The following ANP32B variants were observed in gnomAD, a reference collection of about 807,000 sequenced individuals.
ANP32B encodes acidic nuclear phosphoprotein 32 family member B, also known as acidic leucine-rich nuclear phosphoprotein 32 family member B.
A neutral mutation model predicts 32.2 loss-of-function variants in ANP32B; 6 were observed. The ratio of observed to expected loss-of-function variants is 0.19; its 90% CI spans 0.10 to 0.37. ANP32B has a LOEUF of 0.37. Among genes scored for constraint, ANP32B ranks in the 10% least tolerant of loss-of-function variants. The pLI, the probability that ANP32B is intolerant of heterozygous loss-of-function variation, is 1.00. For missense variants in ANP32B, 204 were observed against 289.2 expected (o/e 0.71, Z 2.14); for synonymous variants, 98 against 105.8 (o/e 0.93, Z 0.45).
chr9:98,013,373 A>G (rs1345915530), intron 6 of ANP32B, among the ~76,000 whole-genome samples: 1 of 152,142 alleles, frequency 6.6e-6, no homozygotes, highest in Non-Finnish European at 1.5e-5. Context: ...CATTTGGTTT[A>G]CTGTCAAGTG....
intron 4 of ANP32B, among the ~76,000 whole-genome samples, chr9:98,006,087 C>T (rs953254445): frequency 1.4e-5 from 2 of 142,798 alleles, no homozygotes; most frequent in African/African-American, 2.5e-5. Flanking sequence ...CCTGATGATC[C>T]GAGGTGGAGC....
intron 1 of ANP32B, among the ~76,000 whole-genome samples, chr9:97,987,919 T>G (rs534716547): frequency 1.3e-5 from 2 of 152,172 alleles, no homozygotes; most frequent in Admixed American, 1.3e-4. Flanking sequence ...CTAATTGGGG[T>G]TTTTTTCCTT....
intron 1 of ANP32B, among the ~76,000 whole-genome samples, chr9:97,984,858 T>C (rs1827684048): frequency 6.7e-6 from 1 of 150,122 alleles, no homozygotes; most frequent in African/African-American, 2.4e-5. Flanking sequence ...GCGCGGGATT[T>C]TGGGCGGGCT....
intron 1 of ANP32B, among the ~76,000 whole-genome samples, chr9:97,985,065 A>AC (rs1827690722): frequency 7.0e-6 from 1 of 142,878 alleles, no homozygotes; most frequent in African/African-American, 2.7e-5. Context: ...CGCCGTCGCG[A>AC]GCCCCCCCCC....
intron 6 of ANP32B, among the ~76,000 whole-genome samples, chr9:98,013,680 C>T (rs1463901482): frequency 3.3e-5 from 5 of 151,746 alleles, no homozygotes; most frequent in Non-Finnish European, 5.9e-5. Flanking sequence ...AGGTGGATCA[C>T]CTGAGGTCAG....
chr9:98,000,215 G>A (rs1262766678), intron 3 of ANP32B, among the ~76,000 whole-genome samples: 1 of 152,196 alleles, frequency 6.6e-6, no homozygotes, highest in African/African-American at 2.4e-5. Context: ...CTGCCCTCAA[G>A]TGATCCTTCC....
At chr9:98,007,611 C>T (rs955490049) in intron 4 of ANP32B, among the ~76,000 whole-genome samples, 2 of 152,176 alleles carry the variant, frequency 1.3e-5, no homozygotes, top group Non-Finnish European at 2.9e-5. Flanking sequence ...CTGAATTGGT[C>T]ATTTTGTGTC....
intron 1 of ANP32B, among the ~76,000 whole-genome samples, chr9:97,983,966 G>C (rs1467998894): frequency 6.6e-6 from 1 of 151,054 alleles, no homozygotes; most frequent in Non-Finnish European, 1.5e-5. Context: ...CAGCCTCCCG[G>C]GATGCGCGGC....
intron 1 of ANP32B, among the ~76,000 whole-genome samples, chr9:97,993,596 T>C (rs1827862115): frequency 6.6e-6 from 1 of 152,244 alleles, no homozygotes; most frequent in Admixed American, 6.5e-5. Context: ...GATCTGCATG[T>C]AGACTATTAA....
intron 4 of ANP32B, among the ~76,000 whole-genome samples, chr9:98,009,239 A>G (rs1406397811): frequency 9.2e-5 from 14 of 152,204 alleles, no homozygotes; most frequent in Non-Finnish European, 1.5e-5. Context: ...ATTTATACAT[A>G]TTTTACAGAT....
At chr9:97,985,169 G>C (rs908233309) in intron 1 of ANP32B, among the ~76,000 whole-genome samples, 1 of 151,094 alleles carries the variant, frequency 6.6e-6, no homozygotes, top group African/African-American at 2.4e-5. Flanking sequence ...GGGGCCTCCC[G>C]ACCCGCTCTG....
intron 6 of ANP32B, among the ~76,000 whole-genome samples, chr9:98,014,096 C>T (rs1828234669): frequency 6.6e-6 from 1 of 152,134 alleles, no homozygotes; most frequent in Non-Finnish European, 1.5e-5. Context: ...TTGTCAAGCT[C>T]TCAATTACAT....
chr9:97,993,271 G>A (rs1453853761), intron 1 of ANP32B, among the ~76,000 whole-genome samples: 2 of 152,178 alleles, frequency 1.3e-5, no homozygotes, highest in African/African-American at 4.8e-5. Context: ...GGGGGAAGGA[G>A]AGTGGTGGTA....
rs147068709 is a variant in ANP32B, at chr9:98,011,368, C to A, written c.615C>A (p.Asp205Glu). The A allele has an allele frequency of 1.3e-6, 2 of 1,573,164 alleles. No homozygotes were observed. The highest frequency in any genetic ancestry group is 2.3e-5 in the East Asian group (1 of 43,612). The change falls in exon 5 of 7, where the codon GAC becomes GAA. Residue 205 changes from aspartate (D) to glutamate (E), a missense_variant. Coordinates refer to ENST00000339399, the MANE Select transcript of ANP32B (RefSeq NM_006401.3). ...DEDEDVEGDE[D>E]DDEVSEEEEE... is the part of the protein sequence containing the mutation. ...ATGAAGATGTAGAAGGGGATGAGGACGACGATGAAGTCAGTGAGGAGGTCA... is the reference window on the plus strand; with the variant it reads ...ATGAAGATGTAGAAGGGGATGAGGAAGACGATGAAGTCAGTGAGGAGGTCA...
At chr9:98,001,114 A>G (rs1218440275) in intron 3 of ANP32B, among the ~76,000 whole-genome samples, 4 of 151,778 alleles carry the variant, frequency 2.6e-5, no homozygotes, top group African/African-American at 4.8e-5. Context: ...TTTATTGGTT[A>G]GTGACAGACA....
chr9:98,005,283 G>C (rs932255209), intron 4 of ANP32B, 130 bp downstream of exon 4: 1 of 791,498 alleles, frequency 1.3e-6, no homozygotes, highest in Admixed American at 3.0e-5. Flanking sequence ...GAGGCAGGGG[G>C]CATTGCTTGA....
At chr9:98,000,098 C>T (rs1030230837) in intron 3 of ANP32B, among the ~76,000 whole-genome samples, 2 of 152,162 alleles carry the variant, frequency 1.3e-5, no homozygotes, top group Admixed American at 1.3e-4. Flanking sequence ...ATTATTGAGA[C>T]TGCTGCAATA....
At chr9:97,990,161 C>G (rs886851190) in intron 1 of ANP32B, among the ~76,000 whole-genome samples, 1 of 152,202 alleles carries the variant, frequency 6.6e-6, no homozygotes, top group Admixed American at 6.5e-5. Context: ...CTCCTGCTGT[C>G]CTTTCCTCTT....
chr9:98,009,158 A>G (rs76917914), intron 4 of ANP32B, among the ~76,000 whole-genome samples: 38,400 of 152,198 alleles, frequency 0.25, 5,350 homozygotes, highest in South Asian at 0.49. Context: ...TTTCATTCAT[A>G]AGGGAAATAA....
Sources: allele counts gnomAD v4.1 joint callset (sites outside exome capture counted in the v4.1 genomes callset), GRCh38; gene constraint gnomAD v4.1.1; transcripts MANE v1.5; gene names NCBI Gene and HGNC (gene_info 2026-07-23, HGNC 2026-07-21).